Variants in ITM2B observed in about 807,000 individuals in gnomAD.
The protein encoded by ITM2B is integral membrane protein 2B.
Under a neutral mutation model 27.8 loss-of-function variants are expected in ITM2B, and 11 were observed. That is an observed-to-expected ratio of 0.40 (90% confidence interval 0.25 to 0.66). ITM2B has a LOEUF of 0.66. Among genes scored for constraint, ITM2B ranks in the 30% least tolerant of loss-of-function variants. ITM2B has a pLI of 0.43. For missense variants in ITM2B, 296 were observed against 328.9 expected (o/e 0.90, Z 0.77); for synonymous variants, 114 against 114.3 (o/e 1.00, Z 0.02).
chr13:48,251,823 C>T (rs1293675641), intron 1 of ITM2B, among the ~76,000 whole-genome samples: 1 of 152,114 alleles, frequency 6.6e-6, no homozygotes, highest in Non-Finnish European at 1.5e-5. Flanking sequence ...TGATTTCTTA[C>T]CTCCTTAGAT....
chr13:48,246,249 G>A (rs1951724020), intron 1 of ITM2B, among the ~76,000 whole-genome samples: 1 of 152,198 alleles, frequency 6.6e-6, no homozygotes, highest in Non-Finnish European at 1.5e-5. Context: ...TTGTGAAATA[G>A]AGTACTCACA....
rs1025350605 is a variant in ITM2B, at chr13:48,262,806, T to A, written c.*1582T>A. 1 of 152,196 alleles carries A rather than the reference T, an allele frequency of 6.6e-6. No individual in the cohort carries two copies. The highest frequency in any genetic ancestry group is 1.5e-5 in the Non-Finnish European group (1 of 68,028). The allele number at this position is 152,196 out of a possible 1,614,324, so 9.4% of individuals were successfully genotyped here. ...GGGAGAAAAACAGGTCTAGGTTCTT[T>A]GGAAAACATTTAGGAGAGTCAATGA... On this transcript the variant is annotated 3_prime_UTR_variant, in exon 6 of 6. Coordinates refer to ENST00000647800, the MANE Select transcript of ITM2B (RefSeq NM_021999.5).
At chr13:48,255,341 G>C (rs990038834) in intron 2 of ITM2B, among the ~76,000 whole-genome samples, 1 of 152,100 alleles carries the variant, frequency 6.6e-6, no homozygotes, top group African/African-American at 2.4e-5. Flanking sequence ...ATCCAGGCTG[G>C]AGTGCGGTGG....
rs904916698 is a variant in ITM2B at position 48,263,133 on chromosome 13, T to C, written c.*1909T>C. The C allele has an allele frequency of 6.6e-6, 1 of 152,214 alleles. No homozygotes were observed. 9.4% of individuals were successfully genotyped at this position (152,214 alleles called of 1,614,324 possible). On this transcript the variant is annotated 3_prime_UTR_variant, in exon 6 of 6. Coordinates refer to ENST00000647800, the MANE Select transcript of ITM2B (RefSeq NM_021999.5). ...ACTTACACTTTACTAAATGTAATTCTTTCATTTGAATTTTTAAAGGTTTTT... is the reference window on the plus strand; with the variant it reads ...ACTTACACTTTACTAAATGTAATTCCTTCATTTGAATTTTTAAAGGTTTTT...
Position 48,258,807 on chromosome 13 carries a change from A to G in ITM2B, c.575A>G (p.Tyr192Cys). Residue 192 changes from tyrosine (Y) to cysteine (C), a missense_variant, in exon 5 of 6, where the codon TAT (tyrosine) becomes TGT (cysteine). Coordinates refer to ENST00000647800, the MANE Select transcript of ITM2B (RefSeq NM_021999.5). ...ELLINIKAGT[Y>C]LPQSYLIHEH... ...CTTTTCTGAATGTAGGCTGGAACCT[A>G]TTTGCCTCAGTCCTATCTGATTCAT... 8 of 1,613,652 alleles carry G rather than the reference A, an allele frequency of 5.0e-6. No homozygotes were observed. The highest frequency in any genetic ancestry group is 6.8e-6 in the Non-Finnish European group (8 of 1,179,604).
rs1227590612 is a variant in ITM2B at position 48,266,563 on chromosome 13, A to G, written c.*5339A>G. On this transcript the variant is annotated 3_prime_UTR_variant, in exon 6 of 6. Transcript: ENST00000647800. ...AGGAAGGAATAAACATCTGGTAACT[A>G]TAGCTAGAAAAAAAGGAAATACGGT... is the stretch of plus-strand genomic sequence containing the variant. 2 of 152,174 alleles carry G rather than the reference A, an allele frequency of 1.3e-5. No homozygotes were observed. Among genetic ancestry groups the G allele is most frequent in the Non-Finnish European group, 2.9e-5 (2 of 68,026 alleles). 9.4% of individuals were successfully genotyped at this position (152,174 alleles called of 1,614,324 possible).
At position 48,233,375 on chromosome 13, in the gene ITM2B, G is replaced by C. The variant is rs543509091; in HGVS notation, c.15G>C (p.Thr5=). The C allele has an allele frequency of 6.8e-5, 107 of 1,562,910 alleles. 1 individual carries two copies. In the African/African-American group the frequency reaches 1.4e-3, roughly 20 times the overall value. MVKV[T]FNSALAQKEA... ...CAGGCCGCGCCATGGTGAAGGTGAC[G>C]TTCAACTCCGCTCTGGCCCAGAAGG... Residue 5 remains threonine (T), a synonymous_variant, in exon 1 of 6, where the codon ACG becomes ACC. Coordinates refer to ENST00000647800, the MANE Select transcript of ITM2B (RefSeq NM_021999.5).
rs929785896 is a variant in ITM2B, at chr13:48,267,517, C to T, written c.*6293C>T. ...CTGACACTCTAAAAAATTATGAGTG[C>T]CTTCCTTTAGCTCCCCATAGAAATG... On this transcript the variant is annotated 3_prime_UTR_variant, in exon 6 of 6. Coordinates refer to ENST00000647800, the MANE Select transcript of ITM2B (RefSeq NM_021999.5). The T allele has an allele frequency of 7.9e-5, 12 of 152,128 alleles. No individual in the cohort carries two copies. The highest frequency in any genetic ancestry group is 2.9e-4 in the African/African-American group (12 of 41,416). The allele number at this position is 152,128 out of a possible 1,614,324, so 9.4% of individuals were successfully genotyped here.
At chr13:48,238,367 CTTT>C (rs893591649) in intron 1 of ITM2B, among the ~76,000 whole-genome samples, 4 of 152,068 alleles carry the variant, frequency 2.6e-5, no homozygotes, top group African/African-American at 7.2e-5. Flanking sequence ...GAGGAAAAAA[CTTT>C]TTGCAGTATT....
At chr13:48,259,571 CTG>C (rs1951810178) in intron 5 of ITM2B, among the ~76,000 whole-genome samples, 1 of 152,262 alleles carries the variant, frequency 6.6e-6, no homozygotes, top group Non-Finnish European at 1.5e-5. Context: ...TTCAGATACA[CTG>C]TGGTGTGATT....
At position 48,268,434 on chromosome 13, in the gene ITM2B, C is replaced by G. The variant is rs1396307884; in HGVS notation, c.*7210C>G. On this transcript the variant is annotated 3_prime_UTR_variant, in exon 6 of 6. Coordinates refer to ENST00000647800, the MANE Select transcript of ITM2B (RefSeq NM_021999.5). ...CCTCTAACCTCAGCCTCCCGAGTAGCTAAGACTCTACAGGCGTATGCCACC... is the reference window on the plus strand; with the variant it reads ...CCTCTAACCTCAGCCTCCCGAGTAGGTAAGACTCTACAGGCGTATGCCACC... 2 of 152,076 alleles carry G rather than the reference C, an allele frequency of 1.3e-5. No homozygotes were observed. Among genetic ancestry groups the G allele is most frequent in the East Asian group, 1.9e-4 (1 of 5,176 alleles). The allele number at this position is 152,076 out of a possible 1,614,324, so 9.4% of individuals were successfully genotyped here.
chr13:48,249,974 A>G (rs979716951), intron 1 of ITM2B, among the ~76,000 whole-genome samples: 2 of 152,226 alleles, frequency 1.3e-5, no homozygotes, highest in African/African-American at 4.8e-5. Context: ...AATCTCTTAG[A>G]TTAAAAACTT....
At chr13:48,260,002 C>T (rs1185762739) in intron 5 of ITM2B, among the ~76,000 whole-genome samples, 1 of 151,992 alleles carries the variant, frequency 6.6e-6, no homozygotes, top group Admixed American at 6.6e-5. Flanking sequence ...TCCCCTAGGC[C>T]CCCACCTCCC....
At chr13:48,256,003 A>C (rs1035581628) in intron 2 of ITM2B, among the ~76,000 whole-genome samples, 174 bp from the exon 3 acceptor site, 5 of 152,218 alleles carry the variant, frequency 3.3e-5, no homozygotes, top group South Asian at 2.1e-4. Context: ...CAGTGCTTCA[A>C]AACCTGATCT....
At chr13:48,249,335 GCTAT>G (rs570332077) in intron 1 of ITM2B, among the ~76,000 whole-genome samples, 44 of 152,156 alleles carry the variant, frequency 2.9e-4, no homozygotes, top group African/African-American at 9.6e-4. Context: ...CCTTTTTATT[GCTAT>G]CTATTTCATG....
Position 48,258,932 on chromosome 13 carries a change from A to G in ITM2B, c.700A>G (p.Arg234Gly). 2 of 1,613,052 alleles carry G rather than the reference A, an allele frequency of 1.2e-6. No individual in the cohort carries two copies. Among genetic ancestry groups the G allele is most frequent in the Non-Finnish European group, 1.7e-6 (2 of 1,179,200 alleles). The stretch of plus-strand genomic sequence containing the variant: ...CAAGGAAACTTACAAACTGCAACGC[A>G]GAGAAACTATTAAAGGTAATACTTT... ...HDKETYKLQR[R>G]ETIKGIQKRE... The change falls in exon 5 of 6, where the codon AGA becomes GGA. Residue 234 changes from arginine (R) to glycine (G), a missense_variant. Transcript: ENST00000647800.
rs1951860044 is a variant in ITM2B, at chr13:48,267,553, ACCATGG to A, written c.*6331_*6336del. The A allele has an allele frequency of 6.6e-6, 1 of 152,204 alleles. No homozygotes were observed. Among genetic ancestry groups the A allele is most frequent in the African/African-American group, 2.4e-5 (1 of 41,448 alleles). 9.4% of individuals were successfully genotyped at this position (152,204 alleles called of 1,614,324 possible). Reference sequence around the variant, plus strand: ...CTCCCCATAGAAATGTCTTTGTATAACCATGGCATGATATTATTCTCTTGACTTTTG... The same window carrying A: ...CTCCCCATAGAAATGTCTTTGTATAACATGATATTATTCTCTTGACTTTTG... On this transcript the variant is annotated 3_prime_UTR_variant, in exon 6 of 6. Coordinates refer to ENST00000647800, the MANE Select transcript of ITM2B (RefSeq NM_021999.5).
chr13:48,233,318 C>T lies in ITM2B; in HGVS notation c.-43C>T, dbSNP rs1171032562. ...GCAGCCGGGAGCCCGCAGCCCGCGC[C>T]CCGAGCCCGCCGCCGCCCTTCGAGG... On this transcript the variant is annotated 5_prime_UTR_variant, in exon 1 of 6. Transcript: ENST00000647800. 5 of 1,342,140 alleles carry T rather than the reference C, an allele frequency of 3.7e-6. No homozygotes were observed. Among genetic ancestry groups the T allele is most frequent in the East Asian group, 2.9e-5 (1 of 34,792 alleles). 83.1% of individuals were successfully genotyped at this position (1,342,140 alleles called of 1,614,324 possible). A position where few individuals can be genotyped will look rare whatever the true frequency, so the allele number is the denominator to read the frequency against.
At chr13:48,249,632 C>G (rs953341168) in intron 1 of ITM2B, among the ~76,000 whole-genome samples, 4 of 152,078 alleles carry the variant, frequency 2.6e-5, no homozygotes, top group African/African-American at 9.7e-5. Context: ...TGTAGGATCT[C>G]TAGTACAGTG....
Sources: allele counts gnomAD v4.1 joint callset (sites outside exome capture counted in the v4.1 genomes callset), GRCh38; gene constraint gnomAD v4.1.1; transcripts MANE v1.5; gene names NCBI Gene and HGNC (gene_info 2026-07-23, HGNC 2026-07-21).